Variants in DOCK1 observed in about 807,000 individuals in gnomAD.
DOCK1 encodes dedicator of cytokinesis 1.
In DOCK1, 138 loss-of-function variants were observed where a neutral mutation model predicts 262.7. The observed-to-expected ratio is 0.53, with a 90% CI of 0.46 to 0.61. DOCK1 has a LOEUF of 0.61. DOCK1 is among the 20% of genes least tolerant of loss of function. The probability of loss-of-function intolerance (pLI) is 0.00; values close to 1 mark genes in which losing one functional copy is unlikely to be tolerated. For missense variants in DOCK1, 1,908 were observed against 2,370.7 expected, an observed-to-expected ratio of 0.80 and a Z score of 4.05; for synonymous variants, 866 against 867.4, an observed-to-expected ratio of 1.00 and a Z score of 0.03.
In DOCK1 at chr10:126,908,086, C is replaced by A. The variant is rs560986446; in HGVS notation, c.46+2523C>A. On this transcript the variant is annotated intron_variant, in intron 1 of 51. Transcript: ENST00000623213. ...TAGACAGTAATGAGACAGCACCACTCCATCGGCATCCAGAGGCACTTTAAC... is the reference window on the plus strand; with the variant it reads ...TAGACAGTAATGAGACAGCACCACTACATCGGCATCCAGAGGCACTTTAAC... Among the ~76,000 whole-genome samples the A allele has an allele frequency of 9.4e-4, 143 of 152,122 alleles. 1 individual carries two copies. Among genetic ancestry groups the A allele is most frequent in the African/African-American group, 3.3e-3 (136 of 41,506 alleles).
rs377013440 is a variant in DOCK1 at position 127,351,739 on chromosome 10, GA to G, written c.3225-2927del. Among the ~76,000 whole-genome samples the G allele has an allele frequency of 5.4e-3, 815 of 152,236 alleles. 8 individuals carry two copies. Among genetic ancestry groups the G allele is most frequent in the African/African-American group, 0.019 (791 of 41,548 alleles). ...TTTCCTCCTCCATGGGAAGAACTAA[GA>G]AATGGCTTGGGAAGCCCCCTTGAGG... is the stretch of plus-strand genomic sequence containing the variant. On this transcript the variant is annotated intron_variant, in intron 31 of 51. Coordinates refer to ENST00000623213, the MANE Select transcript of DOCK1 (RefSeq NM_001290223.2).
intron 29 of DOCK1, among the ~76,000 whole-genome samples, chr10:127,298,001 A>G (rs868744847): frequency 2.0e-5 from 3 of 152,276 alleles, no homozygotes; most frequent in Middle Eastern, 6.8e-3. Flanking sequence ...TAATCCCACC[A>G]AACATAATAT....
At chr10:127,246,357 T>C (rs939196489) in intron 27 of DOCK1, among the ~76,000 whole-genome samples, 1 of 152,086 alleles carries the variant, frequency 6.6e-6, no homozygotes, top group Non-Finnish European at 1.5e-5. Context: ...TTGAAAGAGG[T>C]CGTATTCTAT....
At chr10:127,006,063 C>T (rs1280649341) in intron 10 of DOCK1, among the ~76,000 whole-genome samples, 5 of 152,180 alleles carry the variant, frequency 3.3e-5, no homozygotes, top group Admixed American at 6.5e-5. Context: ...CTCAGCCTTG[C>T]GGTGTAGTAG....
At chr10:127,260,157 C>A (rs2059970995) in intron 29 of DOCK1, among the ~76,000 whole-genome samples, 1 of 152,200 alleles carries the variant, frequency 6.6e-6, no homozygotes, top group Admixed American at 6.5e-5. Context: ...GGTATGGCGC[C>A]TGACAGAGGT....
intron 29 of DOCK1, among the ~76,000 whole-genome samples, chr10:127,314,720 C>T (rs185355877): frequency 9.8e-4 from 150 of 152,340 alleles, no homozygotes; most frequent in African/African-American, 3.4e-3. Context: ...TTTTCATAGT[C>T]TTCCCAGACT....
intron 31 of DOCK1, among the ~76,000 whole-genome samples, chr10:127,353,795 CA>C (rs2064003411): frequency 5.9e-5 from 9 of 152,156 alleles, no homozygotes. Context: ...CTTAGGGCAC[CA>C]GAGTCTTCTC....
intron 29 of DOCK1, among the ~76,000 whole-genome samples, chr10:127,285,107 C>T (rs2061102034): frequency 6.6e-6 from 1 of 152,152 alleles, no homozygotes; most frequent in Non-Finnish European, 1.5e-5. Flanking sequence ...CACTGCACTC[C>T]AGCCTGGGCG....
chr10:127,019,544 C>T (rs952345604), intron 13 of DOCK1, among the ~76,000 whole-genome samples: 3 of 151,306 alleles, frequency 2.0e-5, no homozygotes, highest in East Asian at 1.9e-4. Flanking sequence ...AACTCGGGTT[C>T]GAGACCACCC....
intron 43 of DOCK1, among the ~76,000 whole-genome samples, chr10:127,413,001 C>G (rs2067949044): frequency 6.6e-6 from 1 of 152,338 alleles, no homozygotes; most frequent in South Asian, 2.1e-4. Flanking sequence ...AACCTAGGCA[C>G]GTCCAACCTG....
intron 40 of DOCK1, 69 bp from the exon 41 acceptor site, chr10:127,408,968 G>A (rs2067683575): frequency 1.3e-6 from 2 of 1,498,980 alleles, no homozygotes; most frequent in Non-Finnish European, 1.8e-6. Context: ...TTTAAGGCCA[G>A]CATATTGCAT....
rs553012193 is a variant in DOCK1, at chr10:127,323,692, C to G, written c.3045-15314C>G. ...TTCTGCCACCTACGAGCTGAGTAAC[C>G]TGGGCAAGTGGTGAACCTCATGGAT... On this transcript the variant is annotated intron_variant, in intron 29 of 51. Coordinates refer to ENST00000623213, the MANE Select transcript of DOCK1 (RefSeq NM_001290223.2). Among the ~76,000 whole-genome samples, 6 of 152,308 alleles carry G rather than the reference C, an allele frequency of 3.9e-5. No homozygotes were observed. The South Asian group carries it at 6.2e-4, about 16-fold the overall frequency.
At chr10:126,921,199 CAA>C (rs34354732) in intron 1 of DOCK1, among the ~76,000 whole-genome samples, 16,188 of 113,556 alleles carry the variant, frequency 0.14, 1,119 homozygotes, top group East Asian at 0.4. Context: ...GACTCTATCT[CAA>C]AAAAAAAAAA....
At chr10:127,397,872 G>A (rs2067002995) in intron 38 of DOCK1, among the ~76,000 whole-genome samples, 1 of 152,162 alleles carries the variant, frequency 6.6e-6, no homozygotes, top group African/African-American at 2.4e-5. Flanking sequence ...AGTGGGTGCT[G>A]CATGTCCTGG....
chr10:127,253,780 C>T (rs1478823215), intron 28 of DOCK1, among the ~76,000 whole-genome samples: 2 of 146,690 alleles, frequency 1.4e-5, no homozygotes, highest in Non-Finnish European at 3.0e-5. Flanking sequence ...GAGGCTGAGG[C>T]AGGAGGATCA....
chr10:127,229,480 G>A (rs1473305096), intron 27 of DOCK1, among the ~76,000 whole-genome samples: 2 of 152,104 alleles, frequency 1.3e-5, no homozygotes, highest in East Asian at 1.9e-4. Context: ...GTGAGATCAT[G>A]CTGTGTTTGT....
chr10:127,264,373 C>T (rs1303448139), intron 29 of DOCK1, among the ~76,000 whole-genome samples: 3 of 152,182 alleles, frequency 2.0e-5, no homozygotes, highest in Non-Finnish European at 4.4e-5. Flanking sequence ...TTGAGACTTC[C>T]TGTTCTTTTT....
At chr10:126,913,319 T>C (rs902648611) in intron 1 of DOCK1, among the ~76,000 whole-genome samples, 1 of 3,292 alleles carries the variant, frequency 3.0e-4, no homozygotes, top group Non-Finnish European at 4.0e-3. Context: ...GTAGCATGAG[T>C]AGGGCAGCCT....
At position 127,175,235 on chromosome 10, in the gene DOCK1, T is replaced by C; in HGVS notation, c.2847+47471T>C. The C allele has an allele frequency of 6.2e-7, 1 of 1,613,858 alleles. No homozygotes were observed. On this transcript the variant is annotated intron_variant, in intron 27 of 51. Transcript: ENST00000623213. The surrounding 1 kb of genome is among the most constrained non-coding windows in gnomAD (Gnocchi z 6.3). ...ACCCTTCCCGATGGGCCTCTCCTTT[T>C]TCCAACTCCTGAATGACCCCCAAGA...
Sources: gnomAD v4.1 joint callset for allele counts (sites outside exome capture counted in the v4.1 genomes callset) on GRCh38, gnomAD v4.1.1 for gene constraint, Gnocchi (gnomAD v3.1) non-coding constraint, MANE v1.5 for transcripts, NCBI Gene and HGNC (gene_info 2026-07-23, HGNC 2026-07-21) for gene names.